DENND1A: variants seen among roughly 807,000 people sequenced by gnomAD.
The protein encoded by DENND1A is DENN domain containing 1A.
A neutral mutation model predicts 113.7 loss-of-function variants in DENND1A; 51 were observed. The observed-to-expected ratio is 0.45, with a 90% CI of 0.36 to 0.57. The LOEUF is 0.57. DENND1A is among the 20% of genes least tolerant of loss of function. DENND1A has a pLI of 0.00. For synonymous variants in DENND1A, 565 were observed against 570.8 expected (o/e 0.99, Z 0.14); for missense variants, 1,258 against 1,395.9 (o/e 0.90, Z 1.57).
At chr9:123,700,376 A>G (rs761521975) in intron 5 of DENND1A, among the ~76,000 whole-genome samples, 3 of 152,174 alleles carry the variant, frequency 2.0e-5, no homozygotes, top group Non-Finnish European at 2.9e-5. Context: ...GAGAAACAGA[A>G]TAGACTATTG....
At chr9:123,438,785 T>A (rs1358445280) in intron 19 of DENND1A, among the ~76,000 whole-genome samples, 1 of 152,204 alleles carries the variant, frequency 6.6e-6, no homozygotes, top group African/African-American at 2.4e-5. Flanking sequence ...CACACACACA[T>A]ACTCTTATTC....
intron 2 of DENND1A, among the ~76,000 whole-genome samples, chr9:123,861,557 A>G (rs950651256): frequency 6.6e-6 from 1 of 152,266 alleles, no homozygotes; most frequent in South Asian, 2.1e-4. Context: ...TGGTTGTACA[A>G]AAAGCAGCCA....
rs1339063351 is a variant in DENND1A, at chr9:123,382,223, C to T, written c.2422G>A (p.Ala808Thr). ...RLQTDRDRRA[A>T]LSPGLLPGVV... ...CCAGGCAGGAGCCCTGGACTCAGGG[C>T]AGCTCGCCTGTCCCGATCCGTCTGC... The change falls in exon 24 of 24, where the codon GCC (alanine) becomes ACC (threonine). Residue 808 changes from alanine (A) to threonine (T), a missense_variant. By Grantham distance (58) the Ala-to-Thr change is moderately conservative. This residue lies in a region of DENND1A where 1,159 missense variants were observed against 1,231.7 expected (regional missense o/e 0.94). Transcript: ENST00000394215. The T allele has an allele frequency of 6.2e-7, 1 of 1,609,404 alleles. No homozygotes were observed. The highest frequency in any genetic ancestry group is 8.5e-7 in the Non-Finnish European group (1 of 1,179,532).
At chr9:123,838,366 GTA>G (rs1564366853) in intron 2 of DENND1A, among the ~76,000 whole-genome samples, 2 of 152,008 alleles carry the variant, frequency 1.3e-5, no homozygotes, top group Non-Finnish European at 2.9e-5. Context: ...ATATGTGCGT[GTA>G]TATATATAAT....
chr9:123,804,093 G>A (rs185292682), intron 2 of DENND1A, among the ~76,000 whole-genome samples: 9 of 152,360 alleles, frequency 5.9e-5, no homozygotes, highest in East Asian at 1.9e-4. Flanking sequence ...GGAGGAACCC[G>A]TGGAAGGTGA....
chr9:123,648,859 T>C (rs2062485680), intron 9 of DENND1A, among the ~76,000 whole-genome samples: 1 of 152,186 alleles, frequency 6.6e-6, no homozygotes, highest in Admixed American at 6.5e-5. Context: ...GGACAGCCAA[T>C]TATTGATTCC....
At chr9:123,421,240 A>G (rs1415555382) in intron 19 of DENND1A, among the ~76,000 whole-genome samples, 1 of 151,422 alleles carries the variant, frequency 6.6e-6, no homozygotes, top group Non-Finnish European at 1.5e-5. Context: ...TCTACATGCG[A>G]GGTCTCTATT....
chr9:123,515,710 G>A (rs573194101), intron 13 of DENND1A, among the ~76,000 whole-genome samples: 3 of 152,044 alleles, frequency 2.0e-5, no homozygotes, highest in African/African-American at 7.2e-5. Flanking sequence ...ATGAAATGAA[G>A]TACTTAAATT....
At chr9:123,906,947 C>A (rs1414381159) in intron 1 of DENND1A, among the ~76,000 whole-genome samples, 1 of 140,154 alleles carries the variant, frequency 7.1e-6, no homozygotes, top group African/African-American at 2.6e-5. Context: ...AACATTGACG[C>A]AAAAATCCTC....
chr9:123,817,162 T>C (rs1387645357), intron 2 of DENND1A, among the ~76,000 whole-genome samples: 1 of 152,272 alleles, frequency 6.6e-6, no homozygotes, highest in East Asian at 1.9e-4. Flanking sequence ...ATGATCTCCA[T>C]GGTCAAAATA....
Position 123,381,203 on chromosome 9 carries a change from G to C in DENND1A, c.*229C>G. 2 of 586,998 alleles carry C rather than the reference G, an allele frequency of 3.4e-6. No homozygotes were observed. The highest frequency in any genetic ancestry group is 2.0e-5 in the South Asian group (1 of 49,074). 36.4% of individuals were successfully genotyped at this position (586,998 alleles called of 1,614,324 possible). On this transcript the variant is annotated 3_prime_UTR_variant, in exon 24 of 24. Coordinates refer to ENST00000394215, the MANE Select transcript of DENND1A (RefSeq NM_001352964.2). The surrounding 1 kb of genome is among the most constrained non-coding windows in gnomAD (Gnocchi z 4.7). ...GCCGAGGAGAGGCAACCGCGGGGTG[G>C]GATGGGCACTCAGGAACTGGGTTGA... is the stretch of plus-strand genomic sequence containing the variant.
chr9:123,596,678 G>A (rs1044687712), intron 11 of DENND1A, among the ~76,000 whole-genome samples: 4 of 152,132 alleles, frequency 2.6e-5, no homozygotes, highest in Admixed American at 1.3e-4. Flanking sequence ...ACTTCCACAC[G>A]TCTCTTGTGA....
intron 2 of DENND1A, among the ~76,000 whole-genome samples, chr9:123,818,350 C>T (rs1010978607): frequency 9.9e-5 from 15 of 152,094 alleles, no homozygotes; most frequent in African/African-American, 3.1e-4. Context: ...ATGATCCGCC[C>T]GCCTAGGCCT....
chr9:123,539,820 T>G (rs1299820613), intron 13 of DENND1A, among the ~76,000 whole-genome samples: 4 of 151,068 alleles, frequency 2.6e-5, no homozygotes, highest in Non-Finnish European at 5.9e-5. Context: ...GAGGCAGAGC[T>G]TGCAGTGAGC....
At chr9:123,890,557 T>C (rs1432878736) in intron 1 of DENND1A, among the ~76,000 whole-genome samples, 1 of 152,214 alleles carries the variant, frequency 6.6e-6, no homozygotes, top group East Asian at 1.9e-4. Context: ...CCAAGTCACT[T>C]CTAAATCTTG....
At chr9:123,720,275 G>A (rs929687531) in intron 5 of DENND1A, among the ~76,000 whole-genome samples, 5 of 152,284 alleles carry the variant, frequency 3.3e-5, no homozygotes, top group Middle Eastern at 3.4e-3. Flanking sequence ...ACAGGGCAGC[G>A]GGAGTGAGGG....
intron 9 of DENND1A, among the ~76,000 whole-genome samples, chr9:123,642,633 T>C (rs2062088458): frequency 6.6e-6 from 1 of 152,240 alleles, no homozygotes; most frequent in Non-Finnish European, 1.5e-5. Flanking sequence ...GTTTGGTAAG[T>C]TTCCAGTTAC....
chr9:123,506,363 C>G (rs1401881322), intron 13 of DENND1A, among the ~76,000 whole-genome samples: 1 of 152,056 alleles, frequency 6.6e-6, no homozygotes, highest in Non-Finnish European at 1.5e-5. Context: ...GTGGGCGGAT[C>G]ACTAGGTCAA....
At position 123,598,547 on chromosome 9, in the gene DENND1A, G is replaced by A. The variant is rs78294281; in HGVS notation, c.765+10889C>T. On this transcript the variant is annotated intron_variant, in intron 11 of 23. Coordinates refer to ENST00000394215, the MANE Select transcript of DENND1A (RefSeq NM_001352964.2). ...CCATGTGCAGCAAATTTATACCAGC[G>A]AAAATCTAAACAATTTTTGGAAACC... is the stretch of plus-strand genomic sequence containing the variant. Among the ~76,000 whole-genome samples the A allele has an allele frequency of 3.7e-3, 560 of 150,086 alleles. 3 individuals are homozygous for A. Among genetic ancestry groups the A allele is most frequent in the African/African-American group, 0.013 (528 of 40,712 alleles).
Sources: gnomAD v4.1 joint callset for allele counts (sites outside exome capture counted in the v4.1 genomes callset) on GRCh38, gnomAD v4.1.1 for gene constraint, gnomAD v4.1.1 regional missense constraint, Gnocchi (gnomAD v3.1) non-coding constraint, MANE v1.5 for transcripts, NCBI Gene and HGNC (gene_info 2026-07-23, HGNC 2026-07-21) for gene names.